The following VPS13B variants were observed in gnomAD, a reference collection of about 807,000 sequenced individuals.
The protein encoded by VPS13B is vacuolar protein sorting 13 homolog B, also known as intermembrane lipid transfer protein VPS13B.
VPS13B carries 285 observed loss-of-function variants against 426.4 expected under a neutral mutation model. That is an observed-to-expected ratio of 0.67 (90% CI 0.61 to 0.74). The LOEUF (loss-of-function observed/expected upper bound fraction) is 0.74, where lower values mean the gene tolerates loss of function less well. Ranked by LOEUF, VPS13B falls within the 30% of genes least tolerant of loss-of-function variation. The pLI is 0.00. For synonymous variants in VPS13B, 1,676 were observed against 1,676.4 expected, an observed-to-expected ratio of 1.00 and a Z score of 0.01; for missense variants, 4,537 against 4,782.6, an observed-to-expected ratio of 0.95 and a Z score of 1.51.
chr8:99,268,411 T>C (rs1382714939), intron 17 of VPS13B, among the ~76,000 whole-genome samples: 1 of 152,082 alleles, frequency 6.6e-6, no homozygotes, highest in African/African-American at 2.4e-5. Flanking sequence ...AGAGTGGGAG[T>C]TGTAACCTGC....
intron 30 of VPS13B, among the ~76,000 whole-genome samples, chr8:99,522,088 A>G (rs1822403308): frequency 1.3e-5 from 2 of 152,204 alleles, no homozygotes; most frequent in South Asian, 4.1e-4. Flanking sequence ...TAGGAAACTG[A>G]ATAACCAAAA....
chr8:99,101,289 G>A (rs1297776050), intron 4 of VPS13B, among the ~76,000 whole-genome samples: 4 of 151,922 alleles, frequency 2.6e-5, no homozygotes, highest in African/African-American at 9.7e-5. Context: ...CTGCCACCAC[G>A]CCCGGCTAAT....
Position 99,467,500 on chromosome 8 carries a change from C to A in VPS13B, c.3532C>A (p.Pro1178Thr). 1 of 1,613,726 alleles carries A rather than the reference C, an allele frequency of 6.2e-7. No individual in the cohort carries two copies. The highest frequency in any genetic ancestry group is 1.1e-5 in the South Asian group (1 of 91,078). Reference protein sequence around the residue: ...GKQVTLCLVEPMGCTSTLAVT... With the variant: ...GKQVTLCLVETMGCTSTLAVT... ...ACAAGTGACACTTTGCCTAGTGGAA[C>A]CTATGGGTTGCACCTCCACTCTAGC... The change falls in exon 24 of 62, where the codon CCT (proline) becomes ACT (threonine). Residue 1178 changes from proline to threonine, a missense_variant. Around this residue, in one of 2 missense-constraint regions of VPS13B, gnomAD observed 4,311 missense variants for 4,474.3 expected, o/e 0.96. Transcript: ENST00000357162.
rs544163855 is a variant in VPS13B, at chr8:99,336,387, G to A, written c.2825-47821G>A. On this transcript the variant is annotated intron_variant, in intron 19 of 61. Coordinates refer to ENST00000357162, the MANE Select transcript of VPS13B (RefSeq NM_152564.5). ...TTCAAGATGGATTAAAGACTTAAAC[G>A]TTAGACCTAAAACCATGAAAACCCT... 2.7e-4 allele frequency among the ~76,000 whole-genome samples: 41 copies of A among 152,164 alleles called. No homozygotes were observed. The East Asian group carries it at 4.6e-3, about 17-fold the overall frequency.
intron 58 of VPS13B, among the ~76,000 whole-genome samples, chr8:99,867,269 G>C (rs772990016): frequency 6.6e-6 from 1 of 152,082 alleles, no homozygotes; most frequent in Non-Finnish European, 1.5e-5. Flanking sequence ...AATCAGAATG[G>C]TAAGACTTTT....
chr8:99,582,465 A>G (rs918718937), intron 33 of VPS13B, among the ~76,000 whole-genome samples: 3 of 152,152 alleles, frequency 2.0e-5, no homozygotes, highest in East Asian at 1.9e-4. Context: ...TAAGGGTTCT[A>G]TCTCTTCTGC....
At chr8:99,479,570 A>G (rs749924385) in intron 24 of VPS13B, among the ~76,000 whole-genome samples, 14 of 152,154 alleles carry the variant, frequency 9.2e-5, no homozygotes, top group Non-Finnish European at 1.9e-4. Context: ...AACATCTTCA[A>G]GTTTCTTTAT....
At chr8:99,357,187 C>T (rs1267386682) in intron 19 of VPS13B, among the ~76,000 whole-genome samples, 1 of 152,152 alleles carries the variant, frequency 6.6e-6, no homozygotes, top group Non-Finnish European at 1.5e-5. Context: ...AATGCCCTTT[C>T]TTCCTCTACC....
chr8:99,481,470 T>G (rs1820035155), intron 24 of VPS13B, 129 bp from the exon 25 acceptor site: 1 of 984,396 alleles, frequency 1.0e-6, no homozygotes, highest in Non-Finnish European at 1.6e-6. Context: ...TGATCAGTGA[T>G]GCATTGGTAG....
intron 19 of VPS13B, among the ~76,000 whole-genome samples, chr8:99,305,387 A>G (rs564863302): frequency 5.3e-5 from 8 of 152,260 alleles, no homozygotes; most frequent in Admixed American, 3.3e-4. Flanking sequence ...GTATTATAAA[A>G]CCCAGAGATT....
Position 99,861,761 on chromosome 8 carries a change from C to T in VPS13B, c.11045-15C>T, listed in dbSNP as rs1588797477. ...ATGCGACAAGGAGGCTAACCCCATG[C>T]TCTTGTTCCCTCAGGTACCCTCACA... On this transcript the variant is annotated splice_polypyrimidine_tract_variant and intron_variant, in intron 57 of 61. Transcript: ENST00000357162. 1 of 1,587,626 alleles carries T rather than the reference C, an allele frequency of 6.3e-7. No individual in the cohort carries two copies.
At chr8:99,581,032 A>ACACACAC (rs1563807881) in intron 33 of VPS13B, among the ~76,000 whole-genome samples, 3 of 72,418 alleles carry the variant, frequency 4.1e-5, no homozygotes, top group Admixed American at 2.6e-4. Context: ...CACACACACA[A>ACACACAC]ATTAGGCAGG....
At chr8:99,058,435 A>G (rs1359429933) in intron 3 of VPS13B, among the ~76,000 whole-genome samples, 1 of 151,724 alleles carries the variant, frequency 6.6e-6, no homozygotes, top group Non-Finnish European at 1.5e-5. Flanking sequence ...CATAAAATAT[A>G]TAAACATATA....
chr8:99,170,874 T>C (rs1056944736), intron 16 of VPS13B, among the ~76,000 whole-genome samples: 1 of 151,740 alleles, frequency 6.6e-6, no homozygotes, highest in Non-Finnish European at 1.5e-5. Flanking sequence ...GTCTTTTGTA[T>C]TCTCATTCTA....
chr8:99,272,363 T>C (rs903247489), intron 17 of VPS13B, among the ~76,000 whole-genome samples: 8 of 152,152 alleles, frequency 5.3e-5, no homozygotes, highest in Non-Finnish European at 1.0e-4. Flanking sequence ...GGGCAAAAAT[T>C]AGTTACCTTC....
At chr8:99,738,439 A>C (rs1237634683) in intron 39 of VPS13B, among the ~76,000 whole-genome samples, 1 of 152,214 alleles carries the variant, frequency 6.6e-6, no homozygotes, top group Non-Finnish European at 1.5e-5. Context: ...AATTATCTTA[A>C]AAGATGGGTA....
chr8:99,682,731 G>A (rs1037549487), intron 35 of VPS13B, among the ~76,000 whole-genome samples: 6 of 152,132 alleles, frequency 3.9e-5, no homozygotes, highest in Admixed American at 6.5e-5. Context: ...CCCAAGGCCC[G>A]TGATAACCCC....
intron 52 of VPS13B, among the ~76,000 whole-genome samples, chr8:99,833,222 TAAC>T (rs66537519): frequency 0.12 from 18,240 of 152,252 alleles, 1,106 homozygotes; most frequent in Non-Finnish European, 0.13. Context: ...GTTATGCAAA[TAAC>T]AACCACAGAC....
intron 17 of VPS13B, among the ~76,000 whole-genome samples, chr8:99,225,719 A>G (rs1815979004): frequency 1.3e-5 from 2 of 152,144 alleles, no homozygotes. Flanking sequence ...TGTTTCTAAT[A>G]GTACTGTTGT....
Sources: gnomAD v4.1 joint callset for allele counts (sites outside exome capture counted in the v4.1 genomes callset) on GRCh38, gnomAD v4.1.1 for gene constraint, gnomAD v4.1.1 regional missense constraint, MANE v1.5 for transcripts, NCBI Gene and HGNC (gene_info 2026-07-23, HGNC 2026-07-21) for gene names.